L3HYPDH: variants seen among roughly 807,000 people sequenced by gnomAD.
The protein encoded by L3HYPDH is trans-L-3-hydroxyproline dehydratase, also known as trans-3-hydroxy-L-proline dehydratase.
Under a neutral mutation model 26.5 loss-of-function variants are expected in L3HYPDH, and 32 were observed. The observed-to-expected ratio is 1.21, with a 90% confidence interval of 0.91 to 1.62. The LOEUF is 1.62. Among genes scored for constraint, L3HYPDH ranks in the 40% most tolerant of loss-of-function variants. The pLI is 0.00. For synonymous variants in L3HYPDH, 215 were observed against 196.6 expected (o/e 1.09, Z -0.78); for missense variants, 554 against 476.4 (o/e 1.16, Z -1.52).
chr14:59,501,593 C>A, the L3HYPDH span, among the ~76,000 whole-genome samples: 1 of 152,088 alleles, frequency 6.6e-6, no homozygotes, highest in South Asian at 2.1e-4. Context: ...TTGAGAAAAA[C>A]CATAAAAATG....
the L3HYPDH span, among the ~76,000 whole-genome samples, chr14:59,489,916 AT>A: frequency 6.6e-6 from 1 of 151,550 alleles, no homozygotes; most frequent in Non-Finnish European, 1.5e-5. Context: ...TTATTTTTTA[AT>A]TTATCTTTTC....
chr14:59,502,755 T>TGTTTTTTTGTTTTTG, the L3HYPDH span, among the ~76,000 whole-genome samples: 12 of 122,916 alleles, frequency 9.8e-5, no homozygotes, highest in African/African-American at 3.6e-4. Flanking sequence ...ATGAGATTTT[T>TGTTTTTTTGTTTTTG]TTTTTTTTTT....
chr14:59,482,483 A>G (rs1217069447), intron 1 of L3HYPDH, among the ~76,000 whole-genome samples: 1 of 152,196 alleles, frequency 6.6e-6, no homozygotes, highest in African/African-American at 2.4e-5. Flanking sequence ...CATTTCCTAC[A>G]GAAGTCTAGA....
At position 59,481,934 on chromosome 14, in the gene L3HYPDH, C is replaced by G. The variant is rs75327973; in HGVS notation, c.508+1875G>C. Among the ~76,000 whole-genome samples the G allele has an allele frequency of 8.1e-3, 1,239 of 152,220 alleles. 11 individuals carry two copies. Among genetic ancestry groups the G allele is most frequent in the Non-Finnish European group, 0.015 (992 of 68,012 alleles). ...GAGTTCCTGGCACAGATTAGGGACT[C>G]GAAAGCCAAAACTTTAATTTCCAGT... is the stretch of plus-strand genomic sequence containing the variant. On this transcript the variant is annotated intron_variant, in intron 1 of 4. Coordinates refer to ENST00000247194, the MANE Select transcript of L3HYPDH (RefSeq NM_144581.2).
Position 59,475,894 on chromosome 14 carries a change from G to A in L3HYPDH, c.914C>T (p.Ser305Leu), listed in dbSNP as rs754024228. ...CCTCACAGCTTTCCCTGTGAATACTGAGCCAGTTGCACTGCTTTTGAAGGC... is the reference window on the plus strand; with the variant it reads ...CCTCACAGCTTTCCCTGTGAATACTAAGCCAGTTGCACTGCTTTTGAAGGC... ...MRAFKSSATG[S>L]VFTGKAVREA... Residue 305 changes from serine to leucine, a missense_variant, in exon 4 of 5, where the codon TCA becomes TTA. Ser to Leu is a moderately radical substitution (Grantham distance 145, BLOSUM62 -2). Transcript: ENST00000247194. The A allele has an allele frequency of 4.3e-6, 7 of 1,613,356 alleles. No individual in the cohort carries two copies. The highest frequency in any genetic ancestry group is 5.9e-6 in the Non-Finnish European group (7 of 1,179,850).
chr14:59,469,706 G>A (rs1156515949), downstream of L3HYPDH, among the ~76,000 whole-genome samples: 2 of 151,914 alleles, frequency 1.3e-5, no homozygotes, highest in African/African-American at 4.8e-5. Context: ...TCAATCCCAA[G>A]TCCCTAGCTT....
At chr14:59,503,066 T>C in the L3HYPDH span, among the ~76,000 whole-genome samples, 2 of 152,006 alleles carry the variant, frequency 1.3e-5, no homozygotes, top group South Asian at 4.1e-4. Flanking sequence ...TTACAGCTTA[T>C]CCATAGTTAA....
rs766591302 is a variant in L3HYPDH at position 59,483,986 on chromosome 14, G to A, written c.331C>T (p.Leu111=). ...CCGAAGTCCAAAGCGAAGCGGCCCA[G>A]CGCCAGCACTGCGTGGCCGCACATG... ...SSMCGHAVLA[L]GRFALDFGLV... is the part of the protein sequence containing the mutation. Residue 111 remains leucine, a synonymous_variant, in exon 1 of 5, where the codon CTG becomes TTG. Transcript: ENST00000247194. 53 of 1,586,500 alleles carry A rather than the reference G, an allele frequency of 3.3e-5. No individual in the cohort carries two copies. The highest frequency in any genetic ancestry group is 5.4e-5 in the African/African-American group (4 of 74,366).
chr14:59,475,954 T>C lies in L3HYPDH; in HGVS notation c.854A>G (p.Tyr285Cys). 6.2e-7 allele frequency: 1 copy of C among 1,614,018 alleles called. No individual in the cohort carries two copies. Among genetic ancestry groups the C allele is most frequent in the African/African-American group, 1.3e-5 (1 of 75,040 alleles). Residue 285 changes from tyrosine to cysteine, a missense_variant, in exon 4 of 5, where the codon TAT (tyrosine) becomes TGT (cysteine). Tyr to Cys is a radical substitution (Grantham distance 194, BLOSUM62 -2). Coordinates refer to ENST00000247194, the MANE Select transcript of L3HYPDH (RefSeq NM_144581.2). ...SGVTARIALQ[Y>C]HKGLLELNQM... ...GTTCAGTTCCAGAAGCCCTTTGTGA[T>C]ACTGTAAGGCAATTCGGGCTGTCAC...
At chr14:59,474,664 CT>C (rs1188473763) in intron 4 of L3HYPDH, 2 of 573,956 alleles carry the variant, frequency 3.5e-6, no homozygotes, top group African/African-American at 3.8e-5. Flanking sequence ...GGTAAATTAC[CT>C]AACTTCTCCA....
At position 59,476,151 on chromosome 14, in the gene L3HYPDH, CA is replaced by C. The variant is rs758050247; in HGVS notation, c.741del (p.Asp247GlufsTer31). 15 of 1,613,618 alleles carry C rather than the reference CA, an allele frequency of 9.3e-6. No individual in the cohort carries two copies. Among genetic ancestry groups the C allele is most frequent in the Non-Finnish European group, 1.3e-5 (15 of 1,179,740 alleles). Reference protein sequence around the residue: ...LAFLYGTILTDGKDAYTKEPT... With the variant: ...LAFLYGTILTXGKDAYTKEPT... Reference sequence around the variant, plus strand: ...GGTTCCTTGGTATAAGCATCTTTTCCATCTGTTAATATAGTTCCATATAAAA... The same window carrying C: ...GGTTCCTTGGTATAAGCATCTTTTCCTCTGTTAATATAGTTCCATATAAAA... On this transcript the variant is annotated frameshift_variant, in exon 3 of 5. Transcript: ENST00000247194. LOFTEE classifies it high-confidence loss of function.
chr14:59,474,091 A>G (rs1424450474), intron 4 of L3HYPDH, among the ~76,000 whole-genome samples: 1 of 152,188 alleles, frequency 6.6e-6, no homozygotes, highest in East Asian at 1.9e-4. Context: ...AGGGTATAAT[A>G]CTTTATCTTT....
chr14:59,484,086 C>G lies in L3HYPDH; in HGVS notation c.231G>C (p.Gly77=). ...FEPRGHRDMY[G]AVLVPSELPD... The stretch of plus-strand genomic sequence containing the variant: ...GCAGCTCGCTCGGGACTAGGACCGC[C>G]CCGTACATGTCCCGGTGCCCTCGGG... Residue 77 remains glycine (G), a synonymous_variant, in exon 1 of 5, where the codon GGG becomes GGC. Coordinates refer to ENST00000247194, the MANE Select transcript of L3HYPDH (RefSeq NM_144581.2). 6.2e-7 allele frequency: 1 copy of G among 1,606,800 alleles called. No individual in the cohort carries two copies. Among genetic ancestry groups the G allele is most frequent in the Non-Finnish European group, 8.5e-7 (1 of 1,179,554 alleles).
At chr14:59,469,718 G>A (rs964820552), downstream of L3HYPDH, among the ~76,000 whole-genome samples, 1 of 152,134 alleles carries the variant, frequency 6.6e-6, no homozygotes, top group Non-Finnish European at 1.5e-5. Flanking sequence ...CCCTAGCTTG[G>A]TGGATGGTGG....
chr14:59,501,277 CT>C, the L3HYPDH span: 15 of 1,541,256 alleles, frequency 9.7e-6, no homozygotes, highest in Admixed American at 1.7e-5. Context: ...GGTAGGAAGT[CT>C]TTTTTTCCTT....
downstream of L3HYPDH, among the ~76,000 whole-genome samples, chr14:59,469,302 C>G (rs1433774526): frequency 1.3e-5 from 2 of 151,962 alleles, no homozygotes; most frequent in South Asian, 4.2e-4. Flanking sequence ...TGCCTGTAAT[C>G]CCAGCACTTT....
the L3HYPDH span, among the ~76,000 whole-genome samples, chr14:59,492,998 C>T: frequency 6.6e-6 from 1 of 151,840 alleles, no homozygotes; most frequent in Admixed American, 6.6e-5. Flanking sequence ...CGGGGTTTCA[C>T]TGTGTTAGCC....
the L3HYPDH span, chr14:59,503,895 T>G: frequency 6.2e-7 from 1 of 1,613,432 alleles, no homozygotes; most frequent in East Asian, 2.2e-5. Flanking sequence ...GACTTATTGT[T>G]CTCTTCAGCC....
At chr14:59,486,856 G>C, upstream of L3HYPDH, 1 of 1,234,500 alleles carries the variant, frequency 8.1e-7, no homozygotes. Context: ...ATTTGCTTTT[G>C]AAATATTTTC....
Sources: gnomAD v4.1 joint callset for allele counts (sites outside exome capture counted in the v4.1 genomes callset) on GRCh38, gnomAD v4.1.1 for gene constraint, MANE v1.5 for transcripts, NCBI Gene and HGNC (gene_info 2026-07-23, HGNC 2026-07-21) for gene names.